NRXN3: variants seen among roughly 807,000 people sequenced by gnomAD.
NRXN3 encodes neurexin III.
In NRXN3, 32 loss-of-function variants were observed where a neutral mutation model predicts 137.6. The ratio of observed to expected loss-of-function variants is 0.23; its 90% CI spans 0.18 to 0.31. The LOEUF (loss-of-function observed/expected upper bound fraction) is 0.31. NRXN3 is among the 10% of genes least tolerant of loss of function. The probability of loss-of-function intolerance (pLI) is 1.00; values close to 1 mark genes in which losing one functional copy is unlikely to be tolerated. For synonymous variants in NRXN3, 798 were observed against 784.5 expected (o/e 1.02, Z -0.29); for missense variants, 1,574 against 2,062.5 (o/e 0.76, Z 4.59).
intron 4 of NRXN3, among the ~76,000 whole-genome samples, chr14:78,556,563 C>G (rs1171345696): frequency 6.6e-6 from 1 of 152,138 alleles, no homozygotes; most frequent in Non-Finnish European, 1.5e-5. Context: ...TAAAGATTTA[C>G]TAAAAATTTA....
chr14:78,438,404 G>A (rs1278774517), intron 4 of NRXN3, among the ~76,000 whole-genome samples: 1 of 152,144 alleles, frequency 6.6e-6, no homozygotes, highest in Non-Finnish European at 1.5e-5. Context: ...AGATTGTCTT[G>A]GAGAAACTAA....
At chr14:78,785,121 A>C (rs1319450418) in intron 8 of NRXN3, among the ~76,000 whole-genome samples, 2 of 152,260 alleles carry the variant, frequency 1.3e-5, no homozygotes, top group Non-Finnish European at 2.9e-5. Context: ...AGAAAAATAC[A>C]GTGAAAACAG....
At chr14:78,296,032 C>A (rs1049717815) in intron 3 of NRXN3, among the ~76,000 whole-genome samples, 1 of 145,492 alleles carries the variant, frequency 6.9e-6, no homozygotes, top group Non-Finnish European at 1.5e-5. Context: ...TTATTCTTTT[C>A]TTTTCTTTTT....
chr14:78,467,036 C>G (rs1055459419), intron 4 of NRXN3, among the ~76,000 whole-genome samples: 7 of 152,182 alleles, frequency 4.6e-5, no homozygotes, highest in Non-Finnish European at 1.0e-4. Context: ...CCTATAAGCT[C>G]TCTCTTTGAG....
chr14:78,211,917 C>G, intron 1 of NRXN3, among the ~76,000 whole-genome samples: 1 of 152,174 alleles, frequency 6.6e-6, no homozygotes, highest in Non-Finnish European at 1.5e-5. Flanking sequence ...GTAGAACTTC[C>G]TCCCTACAGT....
intron 17 of NRXN3, among the ~76,000 whole-genome samples, chr14:79,682,131 TA>T (rs1461453260): frequency 6.6e-6 from 1 of 152,184 alleles, no homozygotes; most frequent in Non-Finnish European, 1.5e-5. Context: ...GTGTTATTTG[TA>T]AAATGTCTTA....
chr14:79,207,389 T>G (rs942098704), intron 15 of NRXN3, among the ~76,000 whole-genome samples: 1 of 152,150 alleles, frequency 6.6e-6, no homozygotes, highest in South Asian at 2.1e-4. Context: ...TGCACATGAA[T>G]GGAAATCTGG....
intron 4 of NRXN3, among the ~76,000 whole-genome samples, chr14:78,311,671 C>A (rs910157833): frequency 1.9e-4 from 29 of 152,020 alleles, no homozygotes; most frequent in African/African-American, 7.0e-4. Context: ...TTAGAGCCTG[C>A]CATACTAAAA....
At chr14:78,726,970 A>AAAAC (rs1409535833) in intron 8 of NRXN3, among the ~76,000 whole-genome samples, 4 of 151,592 alleles carry the variant, frequency 2.6e-5, no homozygotes, top group Non-Finnish European at 5.9e-5. Context: ...AAAAAAAAAA[A>AAAAC]AAAAAAAACC....
intron 15 of NRXN3, among the ~76,000 whole-genome samples, chr14:79,199,378 A>C (rs189108513): frequency 1.1e-3 from 173 of 152,302 alleles, no homozygotes; most frequent in Non-Finnish European, 1.9e-3. Flanking sequence ...AGAAGGACAA[A>C]ATTAAATGTG....
intron 19 of NRXN3, chr14:79,791,321 A>G (rs1434862490): frequency 6.6e-6 from 1 of 151,908 alleles, no homozygotes; most frequent in Non-Finnish European, 1.5e-5. Context: ...TCTAACTTCC[A>G]TTAAGAGAAA....
At chr14:79,525,408 G>T (rs2097109389) in intron 16 of NRXN3, among the ~76,000 whole-genome samples, 1 of 151,994 alleles carries the variant, frequency 6.6e-6, no homozygotes, top group Non-Finnish European at 1.5e-5. Flanking sequence ...TCCAACTCAT[G>T]ATCAGAATTT....
intron 15 of NRXN3, among the ~76,000 whole-genome samples, chr14:79,458,083 T>C (rs776446938): frequency 2.0e-5 from 3 of 152,202 alleles, no homozygotes; most frequent in Non-Finnish European, 4.4e-5. Flanking sequence ...ATAACGTGGC[T>C]ATCCTTAAAG....
rs551967107 is a variant in NRXN3 at position 78,975,372 on chromosome 14, G to A, written c.3142+7026G>A. Among the ~76,000 whole-genome samples the A allele has an allele frequency of 1.2e-4, 18 of 152,286 alleles. No individual in the cohort carries two copies. The South Asian group carries it at 2.1e-3, about 18-fold the overall frequency. ...ATGAACGATGGAAGCACATTCGAGA[G>A]CTTGGCTTAATTGGGAATCTACAAG... On this transcript the variant is annotated intron_variant, in intron 14 of 20. Coordinates refer to ENST00000335750, the MANE Select transcript of NRXN3 (RefSeq NM_001330195.2).
At chr14:79,356,523 C>T (rs779385764) in intron 15 of NRXN3, among the ~76,000 whole-genome samples, 11 of 152,130 alleles carry the variant, frequency 7.2e-5, no homozygotes, top group Non-Finnish European at 1.5e-4. Context: ...TCCACAGTCT[C>T]ACCACATTTA....
chr14:78,623,605 T>C (rs1350248764), intron 4 of NRXN3, among the ~76,000 whole-genome samples: 1 of 152,216 alleles, frequency 6.6e-6, no homozygotes, highest in Admixed American at 6.5e-5. Context: ...CTCACTCAGT[T>C]GCCCAGGCTG....
intron 15 of NRXN3, among the ~76,000 whole-genome samples, chr14:79,164,767 G>A (rs2061134345): frequency 6.6e-6 from 1 of 151,964 alleles, no homozygotes; most frequent in African/African-American, 2.4e-5. Context: ...AAAATGCATA[G>A]TAATTGTGAG....
intron 8 of NRXN3, among the ~76,000 whole-genome samples, chr14:78,729,771 A>C (rs991679375): frequency 1.3e-5 from 2 of 152,134 alleles, no homozygotes; most frequent in African/African-American, 4.8e-5. Context: ...GGACCTCTCT[A>C]ATTTTTGCTT....
intron 15 of NRXN3, among the ~76,000 whole-genome samples, chr14:79,244,649 T>A (rs1265167382): frequency 1.3e-5 from 2 of 152,146 alleles, no homozygotes; most frequent in Admixed American, 1.3e-4. Context: ...GTTCACACCT[T>A]TCCTTTGCAG....
Sources: allele counts gnomAD v4.1 joint callset (sites outside exome capture counted in the v4.1 genomes callset), GRCh38; gene constraint gnomAD v4.1.1; transcripts MANE v1.5; gene names NCBI Gene and HGNC (gene_info 2026-07-23, HGNC 2026-07-21).